The following KCNJ3 variants were observed in gnomAD, a reference collection of about 807,000 sequenced individuals.
KCNJ3 encodes the protein G protein-activated inward rectifier potassium channel 1.
In KCNJ3, 4 loss-of-function variants were observed where a neutral mutation model predicts 39.2. The observed-to-expected ratio is 0.10, with a 90% CI of 0.05 to 0.23. The LOEUF is 0.23. Among genes scored for constraint, KCNJ3 ranks in the 10% least tolerant of loss-of-function variants. KCNJ3 has a pLI of 1.00. For missense variants in KCNJ3, 276 were observed against 634.9 expected, an observed-to-expected ratio of 0.43 and a Z score of 6.08; for synonymous variants, 230 against 237.4, an observed-to-expected ratio of 0.97 and a Z score of 0.29.
At chr2:154,808,080 A>AC (rs1361926513) in intron 2 of KCNJ3, among the ~76,000 whole-genome samples, 21 of 151,274 alleles carry the variant, frequency 1.4e-4, no homozygotes, top group African/African-American at 3.9e-4. Flanking sequence ...AAGGGCATTT[A>AC]AATTTTTTTT....
At position 154,709,767 on chromosome 2, in the gene KCNJ3, A is replaced by G. The variant is rs550381772; in HGVS notation, c.867A>G (p.Gln289=). The G allele has an allele frequency of 6.2e-7, 1 of 1,613,918 alleles. No individual in the cohort carries two copies. The highest frequency in any genetic ancestry group is 1.7e-5 in the Admixed American group (1 of 60,010). Residue 289 remains glutamine (Q), a synonymous_variant, in exon 2 of 3, where the codon CAA becomes CAG. Transcript: ENST00000295101. ...ATGACCTATCCCAGCGAAGCATGCA[A>G]ACTGAACAGTTCGAGATTGTCGTCA... ...PFYDLSQRSM[Q]TEQFEIVVIL...
intron 2 of KCNJ3, among the ~76,000 whole-genome samples, chr2:154,771,385 A>C (rs1686239530): frequency 6.6e-6 from 1 of 152,200 alleles, no homozygotes; most frequent in Non-Finnish European, 1.5e-5. Context: ...AATATATCAA[A>C]TATTTAAATA....
At chr2:154,764,931 T>A (rs1052078947) in intron 2 of KCNJ3, among the ~76,000 whole-genome samples, 2 of 152,178 alleles carry the variant, frequency 1.3e-5, no homozygotes, top group East Asian at 3.9e-4. Flanking sequence ...GAAATGGCCA[T>A]TGATGCTCTC....
Position 154,813,043 on chromosome 2 carries a change from G to C in KCNJ3, c.920-41684G>C, listed in dbSNP as rs184330027. Among the ~76,000 whole-genome samples, 31 of 152,250 alleles carry C rather than the reference G, an allele frequency of 2.0e-4. No individual in the cohort carries two copies. The East Asian group carries it at 5.8e-3, about 28-fold the overall frequency. The stretch of plus-strand genomic sequence containing the variant: ...TTCCTGTTTTTCAAATGCAGAAACT[G>C]ATGTTAGTAAGGGTAACTCATTAAC... On this transcript the variant is annotated intron_variant, in intron 2 of 2. Coordinates refer to ENST00000295101, the MANE Select transcript of KCNJ3 (RefSeq NM_002239.4).
At chr2:154,704,882 T>TAA (rs1160190851) in intron 1 of KCNJ3, among the ~76,000 whole-genome samples, 2 of 152,074 alleles carry the variant, frequency 1.3e-5, no homozygotes, top group Non-Finnish European at 2.9e-5. Flanking sequence ...CACACACACA[T>TAA]AAATGCATAT....
At chr2:154,826,175 C>T (rs1470389774) in intron 2 of KCNJ3, among the ~76,000 whole-genome samples, 1 of 152,032 alleles carries the variant, frequency 6.6e-6, no homozygotes, top group African/African-American at 2.4e-5. Flanking sequence ...CGTTTGGTTT[C>T]AAGATTCATG....
At chr2:154,714,633 C>G (rs1248589611) in intron 2 of KCNJ3, among the ~76,000 whole-genome samples, 1 of 152,106 alleles carries the variant, frequency 6.6e-6, no homozygotes, top group Non-Finnish European at 1.5e-5. Context: ...GTCCAAATAC[C>G]AAGTCATCAA....
intron 2 of KCNJ3, among the ~76,000 whole-genome samples, chr2:154,788,549 A>G (rs1015053691): frequency 7.2e-5 from 11 of 152,210 alleles, no homozygotes; most frequent in Non-Finnish European, 1.0e-4. Context: ...TATTCCTTTG[A>G]TACTTACTAC....
Position 154,809,488 on chromosome 2 carries a change from A to G in KCNJ3, c.920-45239A>G, listed in dbSNP as rs145147167. On this transcript the variant is annotated intron_variant, in intron 2 of 2. Coordinates refer to ENST00000295101, the MANE Select transcript of KCNJ3 (RefSeq NM_002239.4). ...AATTGAGAGGTAAAGTGAATTGTCT[A>G]TAAAAGCAATTATCAGAAGCTCTCA... 5.9e-5 allele frequency among the ~76,000 whole-genome samples: 9 copies of G among 152,330 alleles called. No individual in the cohort carries two copies. In the East Asian group the frequency reaches 1.5e-3, roughly 26 times the overall value.
intron 2 of KCNJ3, among the ~76,000 whole-genome samples, chr2:154,797,009 C>T (rs763874687): frequency 5.9e-5 from 9 of 152,094 alleles, no homozygotes; most frequent in Non-Finnish European, 1.0e-4. Flanking sequence ...CAATGTCTAG[C>T]GAAATGCTCA....
chr2:154,721,096 C>T lies in KCNJ3; in HGVS notation c.919+11277C>T, dbSNP rs547712368. 2.2e-4 allele frequency among the ~76,000 whole-genome samples: 33 copies of T among 151,648 alleles called. No individual in the cohort carries two copies. In the South Asian group the frequency reaches 3.5e-3, roughly 16 times the overall value. On this transcript the variant is annotated intron_variant, in intron 2 of 2. Transcript: ENST00000295101. ...ATTACCCTCCATTTTAATTTTTCTA[C>T]GTTCTGTGCAAAGCTTTGTTAAACT...
At chr2:154,759,021 T>C (rs2105187309) in intron 2 of KCNJ3, among the ~76,000 whole-genome samples, 1 of 152,232 alleles carries the variant, frequency 6.6e-6, no homozygotes, top group Non-Finnish European at 1.5e-5. Flanking sequence ...AAAAACAAGT[T>C]TCATAAGCAA....
At chr2:154,805,828 TTA>T (rs1686900906) in intron 2 of KCNJ3, among the ~76,000 whole-genome samples, 1 of 152,106 alleles carries the variant, frequency 6.6e-6, no homozygotes, top group African/African-American at 2.4e-5. Flanking sequence ...TTTAAAAAAA[TTA>T]TATTTAGTGA....
chr2:154,773,245 A>G (rs1686273358), intron 2 of KCNJ3, among the ~76,000 whole-genome samples: 1 of 151,770 alleles, frequency 6.6e-6, no homozygotes, highest in Non-Finnish European at 1.5e-5. Flanking sequence ...GACTTACTAT[A>G]TTTCCCTACA....
At chr2:154,731,359 G>C (rs1464833865) in intron 2 of KCNJ3, among the ~76,000 whole-genome samples, 2 of 152,024 alleles carry the variant, frequency 1.3e-5, no homozygotes, top group African/African-American at 2.4e-5. Context: ...TTTATATGGT[G>C]AAATTTTTAT....
At chr2:154,774,130 C>G (rs1686290837) in intron 2 of KCNJ3, among the ~76,000 whole-genome samples, 1 of 152,166 alleles carries the variant, frequency 6.6e-6, no homozygotes. Flanking sequence ...TCCATGTAGA[C>G]TGACTCTCAT....
intron 2 of KCNJ3, among the ~76,000 whole-genome samples, chr2:154,779,286 G>C (rs1470029929): frequency 1.3e-5 from 2 of 151,300 alleles, no homozygotes; most frequent in Non-Finnish European, 1.5e-5. Flanking sequence ...ACAAATTATT[G>C]GTAAAAAGAG....
chr2:154,789,660 C>T (rs1418744433), intron 2 of KCNJ3, among the ~76,000 whole-genome samples: 2 of 152,088 alleles, frequency 1.3e-5, no homozygotes, highest in East Asian at 3.9e-4. Context: ...CTTCTGTCCT[C>T]ACATTATATA....
At chr2:154,849,942 TAC>T (rs1048095496) in intron 2 of KCNJ3, among the ~76,000 whole-genome samples, 2 of 145,448 alleles carry the variant, frequency 1.4e-5, no homozygotes, top group Non-Finnish European at 3.0e-5. Flanking sequence ...TGGAATAAAT[TAC>T]ACTAAACAAT....
Sources: gnomAD v4.1 joint callset for allele counts (sites outside exome capture counted in the v4.1 genomes callset) on GRCh38, gnomAD v4.1.1 for gene constraint, MANE v1.5 for transcripts, NCBI Gene and HGNC (gene_info 2026-07-23, HGNC 2026-07-21) for gene names.